FMN2: variants seen among roughly 807,000 people sequenced by gnomAD.
FMN2 encodes the protein formin-2.
A neutral mutation model predicts 142.3 loss-of-function variants in FMN2; 51 were observed. The observed-to-expected ratio is 0.36, with a 90% CI of 0.29 to 0.45. FMN2 has a LOEUF of 0.45. Ranked by LOEUF, FMN2 falls within the 20% of genes least tolerant of loss-of-function variation. The pLI, the probability that FMN2 is intolerant of heterozygous loss-of-function variation, is 1.00. For missense variants in FMN2, 1,936 were observed against 2,122.8 expected (o/e 0.91, Z 1.73); for synonymous variants, 882 against 869.8 (o/e 1.01, Z -0.25).
intron 6 of FMN2, among the ~76,000 whole-genome samples, chr1:240,238,297 A>G (rs1037503026): frequency 2.6e-5 from 4 of 152,224 alleles, no homozygotes; most frequent in Non-Finnish European, 5.9e-5. Context: ...TAGATATTCA[A>G]TAGAGATATT....
At chr1:240,210,088 A>G (rs1666630370) in intron 5 of FMN2, among the ~76,000 whole-genome samples, 1 of 152,170 alleles carries the variant, frequency 6.6e-6, no homozygotes, top group African/African-American at 2.4e-5. Flanking sequence ...ACACAGCACA[A>G]AGTCATACAA....
At chr1:240,373,043 G>A (rs374284525) in intron 14 of FMN2, among the ~76,000 whole-genome samples, 77 of 152,132 alleles carry the variant, frequency 5.1e-4, no homozygotes, top group African/African-American at 1.6e-3. Context: ...AAAGTAGCGC[G>A]CGTGGTGGTG....
intron 13 of FMN2, among the ~76,000 whole-genome samples, chr1:240,349,586 T>C (rs1375709696): frequency 1.3e-5 from 2 of 152,098 alleles, no homozygotes; most frequent in African/African-American, 2.4e-5. Context: ...GATAAACTGG[T>C]GTTTGCCCCA....
At chr1:240,257,826 AG>A (rs1381161792) in intron 6 of FMN2, 118 bp from the exon 7 acceptor site, 25 of 789,220 alleles carry the variant, frequency 3.2e-5, no homozygotes, top group African/African-American at 5.3e-5. Flanking sequence ...TGAATACTTT[AG>A]GTAATGACGT....
intron 2 of FMN2, 23 bp from the exon 3 acceptor site, chr1:240,177,898 A>G: frequency 1.3e-6 from 2 of 1,534,254 alleles, no homozygotes; most frequent in Non-Finnish European, 1.7e-6. Flanking sequence ...TAGCATTTCA[A>G]CATTTTTTAT....
intron 4 of FMN2, among the ~76,000 whole-genome samples, chr1:240,203,910 CA>C (rs1338446682): frequency 6.6e-6 from 1 of 152,000 alleles, no homozygotes; most frequent in Non-Finnish European, 1.5e-5. Context: ...ATACATAACA[CA>C]AAATACACAA....
chr1:240,298,476 T>A (rs1050895961), intron 8 of FMN2, among the ~76,000 whole-genome samples: 11 of 152,028 alleles, frequency 7.2e-5, no homozygotes, highest in African/African-American at 2.7e-4. Flanking sequence ...ATATCAGGGG[T>A]CCTCAACCCT....
intron 2 of FMN2, among the ~76,000 whole-genome samples, chr1:240,163,498 T>TTATTAATATAGCTA (rs1664362324): frequency 6.6e-6 from 1 of 152,242 alleles, no homozygotes; most frequent in Non-Finnish European, 1.5e-5. Flanking sequence ...TCATTATCTG[T>TTATTAATATAGCTA]TATTAATATA....
At chr1:240,455,534 G>C (rs1173625768) in intron 16 of FMN2, among the ~76,000 whole-genome samples, 3 of 152,100 alleles carry the variant, frequency 2.0e-5, no homozygotes, top group Admixed American at 1.3e-4. Context: ...AGTACCATTG[G>C]TGCTTTAGAA....
At chr1:240,305,839 C>T (rs1202260718) in intron 8 of FMN2, among the ~76,000 whole-genome samples, 1 of 151,988 alleles carries the variant, frequency 6.6e-6, no homozygotes, top group African/African-American at 2.4e-5. Context: ...ATGAAAAGGT[C>T]ATCTTAGTAG....
At chr1:240,406,759 G>GA (rs1228988330) in intron 15 of FMN2, among the ~76,000 whole-genome samples, 3 of 152,278 alleles carry the variant, frequency 2.0e-5, no homozygotes, top group Middle Eastern at 3.4e-3. Flanking sequence ...ATAAGCTCAT[G>GA]AAGGATACCA....
intron 15 of FMN2, among the ~76,000 whole-genome samples, chr1:240,418,348 C>G (rs1172309762): frequency 1.3e-5 from 2 of 151,910 alleles, no homozygotes; most frequent in Non-Finnish European, 2.9e-5. Context: ...AGGCGCCCAC[C>G]ACCACGCCCG....
rs1390312648 is a variant in FMN2, at chr1:240,195,826, T to A, written c.1986+7564T>A. On this transcript the variant is annotated intron_variant, in intron 4 of 17. Coordinates refer to ENST00000319653, the MANE Select transcript of FMN2 (RefSeq NM_020066.5). ...TGAGCCCAGGAGTCTGAGACTAGCATTGGCAACATAGGGAGACCCTGTCTC... is the reference window on the plus strand; with the variant it reads ...TGAGCCCAGGAGTCTGAGACTAGCAATGGCAACATAGGGAGACCCTGTCTC... Among the ~76,000 whole-genome samples, 3 of 152,028 alleles carry A rather than the reference T, an allele frequency of 2.0e-5. No homozygotes were observed. The East Asian group carries it at 5.8e-4, about 29-fold the overall frequency.
intron 6 of FMN2, among the ~76,000 whole-genome samples, chr1:240,254,564 G>A (rs1182379696): frequency 6.6e-6 from 1 of 152,076 alleles, no homozygotes; most frequent in Non-Finnish European, 1.5e-5. Context: ...CCCTACCCCT[G>A]GCAGAATAGC....
At position 240,092,586 on chromosome 1, in the gene FMN2, C is replaced by A; in HGVS notation, c.477C>A (p.Ile159=). 6.2e-7 allele frequency: 1 copy of A among 1,613,792 alleles called. No homozygotes were observed. Among genetic ancestry groups the A allele is most frequent in the Non-Finnish European group, 8.5e-7 (1 of 1,179,970 alleles). ...PAEARVGGRP[I]AEDVETAAGA... ...AGGCTAGGGTCGGGGGCCGGCCGAT[C>A]GCCGAGGATGTGGAAACTGCAGCAG... The change falls in exon 1 of 18, where the codon ATC becomes ATA. Residue 159 remains isoleucine (I), a synonymous_variant. Coordinates refer to ENST00000319653, the MANE Select transcript of FMN2 (RefSeq NM_020066.5).
chr1:240,200,174 C>T (rs577327662), intron 4 of FMN2, among the ~76,000 whole-genome samples: 7 of 152,284 alleles, frequency 4.6e-5, no homozygotes, highest in Non-Finnish European at 8.8e-5. Context: ...GCAGTCTCTT[C>T]GAGATTAAAT....
chr1:240,306,406 G>GT (rs1670406166), intron 8 of FMN2, among the ~76,000 whole-genome samples: 1 of 152,160 alleles, frequency 6.6e-6, no homozygotes, highest in Non-Finnish European at 1.5e-5. Context: ...AACAGGACAT[G>GT]TTTCAGCCCT....
Position 240,123,351 on chromosome 1 carries a change from TAGG to T in FMN2, c.1782+9_1782+11del, listed in dbSNP as rs755665867. The T allele has an allele frequency of 6.2e-6, 10 of 1,612,102 alleles. No homozygotes were observed. The highest frequency in any genetic ancestry group is 1.1e-5 in the South Asian group (1 of 90,980). On this transcript the variant is annotated splice_region_variant and intron_variant, in intron 2 of 17. Transcript: ENST00000319653. ...CGAATGCAGCTTCGTTTGATGTAAG[TAGG>T]AGAATTCACTTCTGTCCGTGAGGCA... is the stretch of plus-strand genomic sequence containing the variant.
At chr1:240,166,046 G>A (rs547368582) in intron 2 of FMN2, among the ~76,000 whole-genome samples, 80 of 151,678 alleles carry the variant, frequency 5.3e-4, no homozygotes, top group African/African-American at 1.7e-3. Flanking sequence ...TTGAATCCTG[G>A]CTTGCTAATT....
Sources: allele counts gnomAD v4.1 joint callset (sites outside exome capture counted in the v4.1 genomes callset), GRCh38; gene constraint gnomAD v4.1.1; transcripts MANE v1.5; gene names NCBI Gene and HGNC (gene_info 2026-07-23, HGNC 2026-07-21).